Variants in UNC5C observed in about 807,000 individuals in gnomAD.
UNC5C encodes the protein netrin receptor UNC5C.
Under a neutral mutation model 99.8 loss-of-function variants are expected in UNC5C, and 47 were observed. The observed-to-expected ratio is 0.47, with a 90% confidence interval of 0.37 to 0.60. The LOEUF (loss-of-function observed/expected upper bound fraction) is 0.60. Ranked by LOEUF, UNC5C falls within the 20% of genes least tolerant of loss-of-function variation. UNC5C has a pLI of 0.00. For synonymous variants in UNC5C, 487 were observed against 452.2 expected (o/e 1.08, Z -0.98); for missense variants, 1,062 against 1,165.9 (o/e 0.91, Z 1.30).
chr4:95,250,366 C>T, intron 5 of UNC5C, 121 bp downstream of exon 5: 2 of 1,083,938 alleles, frequency 1.8e-6, no homozygotes, highest in South Asian at 1.6e-5. Flanking sequence ...GCCTGGGTGA[C>T]AGAGCAAGAC....
chr4:95,278,898 A>G (rs1034675243), intron 3 of UNC5C, among the ~76,000 whole-genome samples: 1 of 152,222 alleles, frequency 6.6e-6, no homozygotes, highest in Admixed American at 6.5e-5. Flanking sequence ...ACTTCAATGG[A>G]AGCCTTTGGC....
intron 14 of UNC5C, among the ~76,000 whole-genome samples, chr4:95,177,608 A>C (rs904443900): frequency 1.3e-5 from 2 of 152,194 alleles, no homozygotes; most frequent in Admixed American, 1.3e-4. Flanking sequence ...TGTGGAGGGC[A>C]TTTGAAATCT....
At chr4:95,302,623 T>C (rs1376062057) in intron 2 of UNC5C, among the ~76,000 whole-genome samples, 1 of 152,202 alleles carries the variant, frequency 6.6e-6, no homozygotes, top group Non-Finnish European at 1.5e-5. Context: ...ACTTCCAGCA[T>C]GGAGTGTCCA....
intron 1 of UNC5C, among the ~76,000 whole-genome samples, chr4:95,433,834 G>A (rs1196105956): frequency 2.0e-5 from 3 of 151,988 alleles, no homozygotes; most frequent in Non-Finnish European, 4.4e-5. Context: ...CACGATGCCA[G>A]CCCAGCATGC....
chr4:95,230,732 C>A (rs1738881935), intron 7 of UNC5C, among the ~76,000 whole-genome samples: 1 of 151,484 alleles, frequency 6.6e-6, no homozygotes, highest in African/African-American at 2.4e-5. Flanking sequence ...AAGCTGACAA[C>A]CACTTGCTTC....
intron 14 of UNC5C, among the ~76,000 whole-genome samples, chr4:95,177,467 C>T (rs1736414037): frequency 6.6e-6 from 1 of 152,178 alleles, no homozygotes; most frequent in African/African-American, 2.4e-5. Context: ...AATGCACTGG[C>T]ACTGCAGGCG....
chr4:95,227,350 G>A (rs147241746), intron 7 of UNC5C, among the ~76,000 whole-genome samples: 5 of 151,812 alleles, frequency 3.3e-5, no homozygotes, highest in African/African-American at 7.3e-5. Context: ...ATGGGGTCTC[G>A]CTATGTTGCC....
chr4:95,406,588 A>T (rs17023765), intron 1 of UNC5C, among the ~76,000 whole-genome samples: 1,751 of 152,334 alleles, frequency 0.011, 35 homozygotes, highest in African/African-American at 0.039. Context: ...TGGCAAAAAA[A>T]TAGGTTGTAT....
intron 1 of UNC5C, among the ~76,000 whole-genome samples, chr4:95,417,460 A>C (rs2149454586): frequency 6.6e-6 from 1 of 152,234 alleles, no homozygotes; most frequent in Middle Eastern, 3.4e-3. Context: ...AGTAGGAAAA[A>C]TCTTCCTGAT....
intron 1 of UNC5C, among the ~76,000 whole-genome samples, chr4:95,410,192 A>G (rs1380814470): frequency 1.3e-5 from 2 of 152,148 alleles, no homozygotes; most frequent in Admixed American, 1.3e-4. Context: ...TGATTTTCAG[A>G]GAAGTTAGGC....
At chr4:95,181,973 A>G (rs901738332) in intron 14 of UNC5C, among the ~76,000 whole-genome samples, 1 of 152,210 alleles carries the variant, frequency 6.6e-6, no homozygotes, top group African/African-American at 2.4e-5. Context: ...ACATATGACA[A>G]TCTTGTGCTT....
intron 3 of UNC5C, among the ~76,000 whole-genome samples, chr4:95,287,856 T>C (rs1741292268): frequency 6.6e-6 from 1 of 152,176 alleles, no homozygotes; most frequent in Non-Finnish European, 1.5e-5. Flanking sequence ...ATGCTACATA[T>C]TAAAATTTAA....
In UNC5C at chr4:95,524,917, T is replaced by C. The variant is rs6830778; in HGVS notation, c.124+23817A>G. Among the ~76,000 whole-genome samples, 1,170 of 152,290 alleles carry C rather than the reference T, an allele frequency of 7.7e-3. 20 individuals carry two copies. Among genetic ancestry groups the C allele is most frequent in the African/African-American group, 0.026 (1,101 of 41,548 alleles). On this transcript the variant is annotated intron_variant, in intron 1 of 15. Coordinates refer to ENST00000453304, the MANE Select transcript of UNC5C (RefSeq NM_003728.4). ...GGTCTGTTTCCTCATCTGTAAAATA[T>C]ATGTTCTGGGTAGGTCAAGTTTCTG...
chr4:95,162,686 T>G lies in UNC5C; in HGVS notation c.*6548A>C, dbSNP rs1425012068. ...AGCTGGTATCCCTCACCTCCACCAC[T>G]CAGCAAGGCGCCGGACAGATATCCG... On this transcript the variant is annotated 3_prime_UTR_variant, in exon 16 of 16. Coordinates refer to ENST00000453304, the MANE Select transcript of UNC5C (RefSeq NM_003728.4). 6.6e-6 allele frequency: 1 copy of G among 151,932 alleles called. No individual in the cohort carries two copies. The highest frequency in any genetic ancestry group is 1.5e-5 in the Non-Finnish European group (1 of 67,988). The allele number at this position is 151,932 out of a possible 1,614,324, so 9.4% of individuals were successfully genotyped here. A position where few individuals can be genotyped will look rare whatever the true frequency, so the allele number is the denominator to read the frequency against.
At chr4:95,325,508 A>G in intron 2 of UNC5C, among the ~76,000 whole-genome samples, 1 of 152,116 alleles carries the variant, frequency 6.6e-6, no homozygotes, top group East Asian at 1.9e-4. Flanking sequence ...CTGAGATTTT[A>G]ATTTTTGGTG....
chr4:95,256,714 A>ATATATATATATATATATATATATG (rs1579272889), intron 4 of UNC5C, among the ~76,000 whole-genome samples: 27 of 127,214 alleles, frequency 2.1e-4, no homozygotes, highest in East Asian at 5.3e-4. Context: ...ATATATATAT[A>ATATATATATATATATATATATATG]TATATATGAG....
chr4:95,213,692 CAGAG>C (rs1738152995), intron 10 of UNC5C, among the ~76,000 whole-genome samples: 1 of 152,178 alleles, frequency 6.6e-6, no homozygotes, highest in South Asian at 2.1e-4. Flanking sequence ...TAAAAGTAAT[CAGAG>C]AGAAGGAAAA....
chr4:95,444,022 G>C (rs1162204228), intron 1 of UNC5C, among the ~76,000 whole-genome samples: 1 of 152,076 alleles, frequency 6.6e-6, no homozygotes, highest in African/African-American at 2.4e-5. Context: ...TTGTACCATG[G>C]AGATGGCTAT....
intron 4 of UNC5C, among the ~76,000 whole-genome samples, chr4:95,259,513 T>C (rs772413912): frequency 6.6e-6 from 1 of 152,190 alleles, no homozygotes; most frequent in Non-Finnish European, 1.5e-5. Context: ...CTCTTCAAGA[T>C]TGCACTACAA....
Sources: gnomAD v4.1 joint callset for allele counts (sites outside exome capture counted in the v4.1 genomes callset) on GRCh38, gnomAD v4.1.1 for gene constraint, MANE v1.5 for transcripts, NCBI Gene and HGNC (gene_info 2026-07-23, HGNC 2026-07-21) for gene names.